The following PI4K2A variants were observed in gnomAD, a reference collection of about 807,000 sequenced individuals.
PI4K2A encodes phosphatidylinositol 4-kinase type 2-alpha.
Under a neutral mutation model 55.0 loss-of-function variants are expected in PI4K2A, and 20 were observed. That is an observed-to-expected ratio of 0.36 (90% confidence interval 0.26 to 0.53). The LOEUF is 0.53. Among genes scored for constraint, PI4K2A ranks in the 20% least tolerant of loss-of-function variants. The pLI is 0.91. For missense variants in PI4K2A, 463 were observed against 637.1 expected, an observed-to-expected ratio of 0.73 and a Z score of 2.94; for synonymous variants, 235 against 258.5, an observed-to-expected ratio of 0.91 and a Z score of 0.87.
At chr10:97,671,316 G>C (rs2135763504) in intron 8 of PI4K2A, among the ~76,000 whole-genome samples, 1 of 152,288 alleles carries the variant, frequency 6.6e-6, no homozygotes, top group African/African-American at 2.4e-5. Context: ...ACTGGACTCA[G>C]TGGCTCATGC....
At chr10:97,672,978 T>G (rs1220796142) in intron 8 of PI4K2A, among the ~76,000 whole-genome samples, 1 of 139,488 alleles carries the variant, frequency 7.2e-6, no homozygotes, top group Non-Finnish European at 1.5e-5. Flanking sequence ...GTTTTTTGTG[T>G]TTTTTTTTTT....
At chr10:97,642,922 TTCC>T (rs2041485452) in intron 1 of PI4K2A, among the ~76,000 whole-genome samples, 1 of 136,130 alleles carries the variant, frequency 7.3e-6, no homozygotes, top group Non-Finnish European at 1.5e-5. Flanking sequence ...CCTTCCTTCC[TTCC>T]TTTCTTTCCT....
chr10:97,657,405 T>C (rs911272386), intron 4 of PI4K2A, among the ~76,000 whole-genome samples: 2 of 152,150 alleles, frequency 1.3e-5, no homozygotes, highest in Non-Finnish European at 2.9e-5. Flanking sequence ...TGGTGGCTCA[T>C]GCGTGTACTC....
At chr10:97,673,669 C>A in exon 9 of PI4K2A, 1 of 1,613,520 alleles carries the variant, frequency 6.2e-7, no homozygotes, top group Non-Finnish European at 8.5e-7. Context: ...ACGGCCCGTT[C>A]CCACCAGCGG....
In PI4K2A at chr10:97,640,746, G is replaced by A. The variant is rs201562241; in HGVS notation, c.4G>A (p.Asp2Asn). 274 of 1,503,732 alleles carry A rather than the reference G, an allele frequency of 1.8e-4. No homozygotes were observed. The highest frequency in any genetic ancestry group is 2.3e-4 in the Non-Finnish European group (258 of 1,126,078). 93.1% of individuals were successfully genotyped at this position (1,503,732 alleles called of 1,614,324 possible). Reference sequence around the variant, plus strand: ...CCCGGAGCCGGCTGTCTGAGGGATGGACGAGACGAGCCCACTAGTGTCCCC... The same window carrying A: ...CCCGGAGCCGGCTGTCTGAGGGATGAACGAGACGAGCCCACTAGTGTCCCC... The change falls in exon 1 of 9, where the codon GAC (aspartate) becomes AAC (asparagine). Residue 2 changes from aspartate (D) to asparagine (N), a missense_variant. Around this residue, in one of 2 missense-constraint regions of PI4K2A, gnomAD observed 186 missense variants for 204.5 expected, o/e 0.91. Transcript: ENST00000370631.
chr10:97,657,562 G>A (rs2041560791), intron 4 of PI4K2A, among the ~76,000 whole-genome samples: 1 of 151,812 alleles, frequency 6.6e-6, no homozygotes, highest in East Asian at 1.9e-4. Flanking sequence ...CAGCTATTCA[G>A]GAGGCTGAGG....
chr10:97,662,064 A>T (rs996937438), intron 4 of PI4K2A, among the ~76,000 whole-genome samples: 1 of 152,040 alleles, frequency 6.6e-6, no homozygotes, highest in African/African-American at 2.4e-5. Context: ...TATTTTGCCC[A>T]GGCTGGTCTT....
intron 4 of PI4K2A, among the ~76,000 whole-genome samples, chr10:97,659,081 C>T (rs1218065393): frequency 6.6e-6 from 1 of 152,210 alleles, no homozygotes; most frequent in African/African-American, 2.4e-5. Context: ...ATTGTCCAGG[C>T]TGAAGTGCAG....
At chr10:97,653,257 G>T (rs1367708034) in intron 2 of PI4K2A, among the ~76,000 whole-genome samples, 1 of 152,204 alleles carries the variant, frequency 6.6e-6, no homozygotes, top group Admixed American at 6.5e-5. Flanking sequence ...TGGTGCCCAA[G>T]AATCAGAGGA....
At chr10:97,651,136 A>G in exon 2 of PI4K2A, 2 of 1,612,152 alleles carry the variant, frequency 1.2e-6, no homozygotes, top group Non-Finnish European at 1.7e-6. Context: ...TGTTCCCCGT[A>G]CAAAGGTCAG....
intron 4 of PI4K2A, among the ~76,000 whole-genome samples, chr10:97,660,223 G>A (rs549204343): frequency 1.7e-4 from 25 of 149,420 alleles, no homozygotes; most frequent in South Asian, 1.5e-3. Context: ...GGATGGTCTC[G>A]ATCTCCTGAC....
intron 8 of PI4K2A, among the ~76,000 whole-genome samples, chr10:97,672,536 T>C (rs2135764238): frequency 6.6e-6 from 1 of 152,270 alleles, no homozygotes; most frequent in South Asian, 2.1e-4. Flanking sequence ...CATTTATATA[T>C]ATATTTGATA....
intron 2 of PI4K2A, among the ~76,000 whole-genome samples, chr10:97,653,156 C>T (rs987120520): frequency 1.3e-5 from 2 of 152,258 alleles, no homozygotes; most frequent in African/African-American, 4.8e-5. Flanking sequence ...ATTCTCCTTG[C>T]TTATCACTCT....
chr10:97,656,985 G>T lies in PI4K2A; in HGVS notation c.922+11G>T. ...TCATCCGCAACACTGGTGAGCAGCTGCAGGTGGTCCCATGCCCTGTGCCAG... is the reference window on the plus strand; with the variant it reads ...TCATCCGCAACACTGGTGAGCAGCTTCAGGTGGTCCCATGCCCTGTGCCAG... On this transcript the variant is annotated intron_variant, in intron 4 of 8. Coordinates refer to ENST00000370631, the Ensembl canonical transcript of PI4K2A. The surrounding 1 kb of genome is among the most constrained non-coding windows in gnomAD (Gnocchi z 4.5). The T allele has an allele frequency of 6.2e-7, 1 of 1,614,114 alleles. No homozygotes were observed. The highest frequency in any genetic ancestry group is 8.5e-7 in the Non-Finnish European group (1 of 1,179,986).
exon 9 of PI4K2A, chr10:97,676,274 C>G (rs2041664227): frequency 1.3e-5 from 2 of 152,328 alleles, no homozygotes; most frequent in South Asian, 2.1e-4. Context: ...CCTGAACTTA[C>G]ACTGATAGGA....
chr10:97,656,377 A>T lies in PI4K2A; in HGVS notation c.729A>T (p.Lys243Asn). Residue 243 changes from lysine to asparagine, a missense_variant, in exon 3 of 9, where the codon AAA (lysine) becomes AAT (asparagine). Physicochemically the swap from Lys to Asn is moderately conservative, Grantham distance 94. Transcript: ENST00000370631. The surrounding 1 kb of genome is among the most constrained non-coding windows in gnomAD (Gnocchi z 4.5). ...GGCTTGCACTAGAGAAAGTGCCAAA[A>T]GTTGGACAGCGGTTTAACCGCATCG... 6.2e-7 allele frequency: 1 copy of T among 1,614,172 alleles called. No homozygotes were observed. The highest frequency in any genetic ancestry group is 2.2e-5 in the East Asian group (1 of 44,886).
At chr10:97,640,929 G>A in exon 1 of PI4K2A, 5 of 1,358,004 alleles carry the variant, frequency 3.7e-6, no homozygotes, top group Non-Finnish European at 4.7e-6. Context: ...GCCACTGTTG[G>A]ATCGGGCCCG....
At chr10:97,649,234 G>C (rs1422338412) in intron 1 of PI4K2A, among the ~76,000 whole-genome samples, 1 of 152,172 alleles carries the variant, frequency 6.6e-6, no homozygotes, top group East Asian at 1.9e-4. Context: ...GAATCACTTG[G>C]ATAGCATATT....
chr10:97,656,761 C>A lies in PI4K2A; in HGVS notation c.769-60C>A. The A allele has an allele frequency of 6.5e-7, 1 of 1,545,154 alleles. No individual in the cohort carries two copies. Among genetic ancestry groups the A allele is most frequent in the South Asian group, 1.1e-5 (1 of 88,366 alleles). On this transcript the variant is annotated intron_variant, in intron 3 of 8. Coordinates refer to ENST00000370631, the Ensembl canonical transcript of PI4K2A. The surrounding 1 kb of genome is among the most constrained non-coding windows in gnomAD (Gnocchi z 4.5). The stretch of plus-strand genomic sequence containing the variant: ...CCTTAATGGGTATCTGGCATATACT[C>A]CAAAGGTCTTTGGATTTGGGCAGTA...
Sources: gnomAD v4.1 joint callset for allele counts (sites outside exome capture counted in the v4.1 genomes callset) on GRCh38, gnomAD v4.1.1 for gene constraint, gnomAD v4.1.1 regional missense constraint, Gnocchi (gnomAD v3.1) non-coding constraint, MANE v1.5 for transcripts, NCBI Gene and HGNC (gene_info 2026-07-23, HGNC 2026-07-21) for gene names.